The following ANTXR1 variants were observed in gnomAD, a reference collection of about 807,000 sequenced individuals.
The protein encoded by ANTXR1 is anthrax toxin receptor 1.
A neutral mutation model predicts 78.1 loss-of-function variants in ANTXR1; 19 were observed. The ratio of observed to expected loss-of-function variants is 0.24; its 90% CI spans 0.17 to 0.36. ANTXR1 has a LOEUF of 0.36. Ranked by LOEUF, ANTXR1 falls within the 10% of genes least tolerant of loss-of-function variation. The pLI is 1.00. For synonymous variants in ANTXR1, 273 were observed against 260.5 expected (o/e 1.05, Z -0.46); for missense variants, 518 against 718.6 (o/e 0.72, Z 3.19).
chr2:69,202,397 G>C (rs997301798), intron 17 of ANTXR1, among the ~76,000 whole-genome samples: 1 of 152,140 alleles, frequency 6.6e-6, no homozygotes, highest in Non-Finnish European at 1.5e-5. Context: ...TTAGTGACCC[G>C]AGCTCTGTGG....
intron 10 of ANTXR1, among the ~76,000 whole-genome samples, chr2:69,117,017 A>G (rs1034916863): frequency 1.4e-4 from 22 of 152,212 alleles, no homozygotes; most frequent in African/African-American, 1.2e-4. Flanking sequence ...CTGTAAATAT[A>G]CACTTATGAG....
chr2:69,195,658 G>C (rs999314624), intron 17 of ANTXR1, among the ~76,000 whole-genome samples: 1 of 152,108 alleles, frequency 6.6e-6, no homozygotes, highest in Admixed American at 6.5e-5. Flanking sequence ...ACAAGCATAG[G>C]CCATAGTTAG....
At chr2:69,188,299 G>T (rs1183483283) in intron 16 of ANTXR1, among the ~76,000 whole-genome samples, 1 of 152,078 alleles carries the variant, frequency 6.6e-6, no homozygotes, top group Non-Finnish European at 1.5e-5. Flanking sequence ...GTAAACATGG[G>T]GATCTCACTG....
At position 69,055,723 on chromosome 2, in the gene ANTXR1, T is replaced by C. The variant is rs779313987; in HGVS notation, c.296+10910T>C. On this transcript the variant is annotated intron_variant, in intron 3 of 17. Transcript: ENST00000303714. ...TATGTGATGTTACATAAAAATTCTG[T>C]TCTTTCTCAAATTTTGGAGTACAAT... is the stretch of plus-strand genomic sequence containing the variant. 1.5e-4 allele frequency among the ~76,000 whole-genome samples: 23 copies of C among 152,202 alleles called. 1 individual carries two copies. Among genetic ancestry groups the C allele is most frequent in the Non-Finnish European group, 2.8e-4 (19 of 68,014 alleles).
chr2:69,199,137 C>G (rs1348866581), intron 17 of ANTXR1, among the ~76,000 whole-genome samples: 2 of 152,214 alleles, frequency 1.3e-5, no homozygotes, highest in Non-Finnish European at 2.9e-5. Context: ...ATTCCTGTAG[C>G]AGATCAATGG....
chr2:69,176,085 A>C (rs529860366), intron 14 of ANTXR1, among the ~76,000 whole-genome samples: 20 of 151,092 alleles, frequency 1.3e-4, no homozygotes, highest in East Asian at 9.8e-4. Flanking sequence ...ACACCCCCCC[A>C]CACACACATA....
At chr2:69,047,224 A>G (rs915625375) in intron 3 of ANTXR1, among the ~76,000 whole-genome samples, 1 of 152,180 alleles carries the variant, frequency 6.6e-6, no homozygotes, top group Middle Eastern at 3.2e-3. Flanking sequence ...CTGTATTCGC[A>G]TTCAGTTCTT....
chr2:69,090,789 A>C, intron 8 of ANTXR1, 70 bp from the exon 9 acceptor site: 1 of 1,542,902 alleles, frequency 6.5e-7, no homozygotes, highest in Non-Finnish European at 8.9e-7. Context: ...AGTAGCTAAA[A>C]GCAGAACCCT....
At chr2:69,028,788 T>C (rs2104020938) in intron 1 of ANTXR1, among the ~76,000 whole-genome samples, 1 of 152,292 alleles carries the variant, frequency 6.6e-6, no homozygotes, top group African/African-American at 2.4e-5. Context: ...AAAAATACAC[T>C]GTTTCTGAAT....
chr2:69,169,039 G>A (rs112462533), intron 13 of ANTXR1, among the ~76,000 whole-genome samples: 12 of 152,244 alleles, frequency 7.9e-5, no homozygotes, highest in South Asian at 2.1e-4. Context: ...GGGTAACAGC[G>A]TGGGGATTGG....
chr2:69,042,375 AAAAGATGCAT>A (rs1669638770), intron 2 of ANTXR1, among the ~76,000 whole-genome samples: 1 of 152,156 alleles, frequency 6.6e-6, no homozygotes, highest in Non-Finnish European at 1.5e-5. Context: ...ATCTACTCCT[AAAAGATGCAT>A]ATGTGTCCTT....
intron 13 of ANTXR1, among the ~76,000 whole-genome samples, chr2:69,168,117 C>T (rs1258926984): frequency 2.0e-5 from 3 of 152,164 alleles, no homozygotes; most frequent in African/African-American, 7.2e-5. Flanking sequence ...TCACTCAGTT[C>T]ATGAAATGCT....
Position 69,013,401 on chromosome 2 carries a change from C to T in ANTXR1, c.-99C>T. ...CGAGGGAGCGAGGGGGAATAAAGGA[C>T]CCGCGAGGAAGGGCCCGCGGATGGC... On this transcript the variant is annotated 5_prime_UTR_variant, in exon 1 of 18. Transcript: ENST00000303714. The surrounding 1 kb of genome is among the most constrained non-coding windows in gnomAD (Gnocchi z 5.0). 1 of 1,513,860 alleles carries T rather than the reference C, an allele frequency of 6.6e-7. No individual in the cohort carries two copies. The highest frequency in any genetic ancestry group is 1.2e-5 in the South Asian group (1 of 83,708). 93.8% of individuals were successfully genotyped at this position (1,513,860 alleles called of 1,614,324 possible). A position where few individuals can be genotyped will look rare whatever the true frequency, so the allele number is the denominator to read the frequency against.
Position 69,246,300 on chromosome 2 carries a change from A to G in ANTXR1, c.*815A>G, listed in dbSNP as rs887681000. The G allele has an allele frequency of 3.3e-5, 5 of 152,208 alleles. No individual in the cohort carries two copies. The highest frequency in any genetic ancestry group is 7.3e-5 in the Non-Finnish European group (5 of 68,034). 9.4% of individuals were successfully genotyped at this position (152,208 alleles called of 1,614,324 possible). A position where few individuals can be genotyped will look rare whatever the true frequency, so the allele number is the denominator to read the frequency against. Reference sequence around the variant, plus strand: ...GACATGGACCCTAAATCAACAGACAATGGCATTGTCGAAGAGCAACCTGTT... The same window carrying G: ...GACATGGACCCTAAATCAACAGACAGTGGCATTGTCGAAGAGCAACCTGTT... On this transcript the variant is annotated 3_prime_UTR_variant, in exon 18 of 18. Transcript: ENST00000303714.
At chr2:69,100,980 G>A (rs193140767) in intron 9 of ANTXR1, among the ~76,000 whole-genome samples, 21 of 152,108 alleles carry the variant, frequency 1.4e-4, no homozygotes, top group African/African-American at 2.4e-4. Flanking sequence ...CCATAGGCCC[G>A]TCACCTTAGC....
intron 17 of ANTXR1, among the ~76,000 whole-genome samples, chr2:69,236,338 A>C (rs1454557553): frequency 6.6e-6 from 1 of 152,176 alleles, no homozygotes; most frequent in Non-Finnish European, 1.5e-5. Context: ...GTGAGTGTAT[A>C]TATGTATATG....
intron 13 of ANTXR1, among the ~76,000 whole-genome samples, chr2:69,162,815 A>T (rs910139084): frequency 6.6e-6 from 1 of 152,164 alleles, no homozygotes; most frequent in East Asian, 1.9e-4. Flanking sequence ...TCCTGAAGAT[A>T]TGACTGCATT....
chr2:69,038,706 A>G (rs376850838), intron 1 of ANTXR1, among the ~76,000 whole-genome samples: 39 of 152,354 alleles, frequency 2.6e-4, no homozygotes, highest in African/African-American at 8.9e-4. Flanking sequence ...AAAGATGCCT[A>G]TGTACATTCT....
chr2:69,039,639 C>T (rs962591882), intron 1 of ANTXR1, among the ~76,000 whole-genome samples: 2 of 152,086 alleles, frequency 1.3e-5, no homozygotes, highest in East Asian at 1.9e-4. Context: ...ATGTGTTTAT[C>T]GTGTGTGCTA....
Sources: allele counts gnomAD v4.1 joint callset (sites outside exome capture counted in the v4.1 genomes callset), GRCh38; gene constraint gnomAD v4.1.1; non-coding constraint Gnocchi (gnomAD v3.1); transcripts MANE v1.5; gene names NCBI Gene and HGNC (gene_info 2026-07-23, HGNC 2026-07-21).